The following RSU1 variants were observed in gnomAD, a reference collection of about 807,000 sequenced individuals.
The protein encoded by RSU1 is Ras suppressor protein 1.
RSU1 carries 26 observed loss-of-function variants against 31.1 expected under a neutral mutation model. That is an observed-to-expected ratio of 0.84 (90% confidence interval 0.61 to 1.16). The LOEUF (loss-of-function observed/expected upper bound fraction) is 1.16. RSU1 is among the 50% of genes most tolerant of loss of function. The pLI, the probability that RSU1 is intolerant of heterozygous loss-of-function variation, is 0.00. For missense variants in RSU1, 320 were observed against 339.1 expected, an observed-to-expected ratio of 0.94 and a Z score of 0.44; for synonymous variants, 164 against 136.3, an observed-to-expected ratio of 1.20 and a Z score of -1.41.
At chr10:16,683,247 C>A (rs539821667) in intron 8 of RSU1, among the ~76,000 whole-genome samples, 1 of 150,168 alleles carries the variant, frequency 6.7e-6, no homozygotes, top group Non-Finnish European at 1.5e-5. Context: ...ATAAACAGAA[C>A]GTGTCTCCCT....
At chr10:16,799,185 G>A (rs1197460392) in intron 2 of RSU1, among the ~76,000 whole-genome samples, 2 of 152,348 alleles carry the variant, frequency 1.3e-5, no homozygotes, top group East Asian at 3.9e-4. Flanking sequence ...AAAGCAGGGA[G>A]CCGTATTTCC....
chr10:16,595,753 G>T (rs1181966961), intron 8 of RSU1, among the ~76,000 whole-genome samples: 2 of 151,988 alleles, frequency 1.3e-5, no homozygotes, highest in African/African-American at 4.8e-5. Flanking sequence ...CAGATCACGA[G>T]GTCAAGAGAT....
intron 3 of RSU1, among the ~76,000 whole-genome samples, chr10:16,768,366 C>T (rs1837356829): frequency 6.6e-6 from 1 of 152,190 alleles, no homozygotes; most frequent in African/African-American, 2.4e-5. Context: ...AAATGGGGCT[C>T]TCAATTAGGA....
chr10:16,708,268 T>A (rs898783023), intron 7 of RSU1, among the ~76,000 whole-genome samples: 1 of 152,176 alleles, frequency 6.6e-6, no homozygotes, highest in Non-Finnish European at 1.5e-5. Flanking sequence ...ACAATAAAGC[T>A]AGAGAAAATG....
At chr10:16,635,095 G>C (rs968506486) in intron 8 of RSU1, among the ~76,000 whole-genome samples, 1 of 152,164 alleles carries the variant, frequency 6.6e-6, no homozygotes, top group African/African-American at 2.4e-5. Context: ...AGCTGTATTC[G>C]TAACAGCCTC....
intron 8 of RSU1, among the ~76,000 whole-genome samples, chr10:16,686,867 C>T (rs1389544514): frequency 6.6e-6 from 1 of 152,086 alleles, no homozygotes. Context: ...TTTTTTTCCC[C>T]TATGCCCCTC....
chr10:16,804,949 T>C (rs1394863406), intron 2 of RSU1, among the ~76,000 whole-genome samples: 2 of 152,170 alleles, frequency 1.3e-5, no homozygotes, highest in Non-Finnish European at 2.9e-5. Flanking sequence ...CTATACTATA[T>C]ACAGTGAACC....
chr10:16,705,835 G>T (rs1002651598), intron 7 of RSU1, among the ~76,000 whole-genome samples: 1 of 152,090 alleles, frequency 6.6e-6, no homozygotes, highest in Non-Finnish European at 1.5e-5. Flanking sequence ...TTTGAGAGAT[G>T]CTGTCTCTGT....
At chr10:16,800,387 C>A (rs1379755105) in intron 2 of RSU1, among the ~76,000 whole-genome samples, 1 of 152,070 alleles carries the variant, frequency 6.6e-6, no homozygotes, top group African/African-American at 2.4e-5. Context: ...GAGACAAAAT[C>A]CCTGAGAGAA....
chr10:16,709,714 T>C (rs199904441), intron 7 of RSU1, among the ~76,000 whole-genome samples: 3,848 of 152,312 alleles, frequency 0.025, 59 homozygotes, highest in East Asian at 0.064. Flanking sequence ...GGTATCTCAT[T>C]GTGGTTTTGA....
chr10:16,619,892 C>T (rs991953976), intron 8 of RSU1, among the ~76,000 whole-genome samples: 3 of 152,118 alleles, frequency 2.0e-5, no homozygotes, highest in South Asian at 2.1e-4. Flanking sequence ...CTTCTATTTT[C>T]GTATATTTCT....
intron 7 of RSU1, among the ~76,000 whole-genome samples, chr10:16,700,864 A>C (rs568833572): frequency 1.2e-4 from 19 of 152,368 alleles, no homozygotes; most frequent in African/African-American, 3.8e-4. Context: ...ATTTGTATGC[A>C]CTGACCTGGA....
At chr10:16,693,464 A>G (rs1362530061) in intron 8 of RSU1, among the ~76,000 whole-genome samples, 1 of 151,672 alleles carries the variant, frequency 6.6e-6, no homozygotes, top group East Asian at 1.9e-4. Context: ...AGTGTGGGAC[A>G]TATTTCTGAT....
chr10:16,788,017 ATTTC>A (rs763565489), intron 2 of RSU1, among the ~76,000 whole-genome samples: 68 of 152,252 alleles, frequency 4.5e-4, no homozygotes, highest in Middle Eastern at 3.4e-3. Context: ...ACACATTTTT[ATTTC>A]TTTGAGTTCA....
chr10:16,725,851 G>T (rs1376385814), intron 7 of RSU1, among the ~76,000 whole-genome samples: 1 of 143,276 alleles, frequency 7.0e-6, no homozygotes, highest in African/African-American at 2.6e-5. Flanking sequence ...CAGGAACAAA[G>T]GATATGTAAC....
chr10:16,731,336 A>G (rs1836507681), intron 7 of RSU1, among the ~76,000 whole-genome samples: 1 of 151,334 alleles, frequency 6.6e-6, no homozygotes, highest in African/African-American at 2.4e-5. Flanking sequence ...AGACTGAGGC[A>G]GGAGAATGGC....
chr10:16,702,573 C>G (rs1358411852), intron 7 of RSU1, among the ~76,000 whole-genome samples: 1 of 152,230 alleles, frequency 6.6e-6, no homozygotes, highest in Non-Finnish European at 1.5e-5. Context: ...GACTGCCGTG[C>G]TGGGTTTTGA....
At position 16,592,992 on chromosome 10, in the gene RSU1, C is replaced by A; in HGVS notation, c.*402G>T. 1.3e-5 allele frequency: 2 copies of A among 154,782 alleles called. No homozygotes were observed. The highest frequency in any genetic ancestry group is 2.9e-5 in the Non-Finnish European group (2 of 70,116). 9.6% of individuals were successfully genotyped at this position (154,782 alleles called of 1,614,324 possible). ...TGGTGAAGGAAGACTTTTAATAAAG[C>A]AAAATAATGAGTTAGGTGAATCAAC... is the stretch of plus-strand genomic sequence containing the variant. On this transcript the variant is annotated 3_prime_UTR_variant, in exon 9 of 9. Transcript: ENST00000345264.
At chr10:16,627,252 T>C (rs564643344) in intron 8 of RSU1, among the ~76,000 whole-genome samples, 2 of 152,326 alleles carry the variant, frequency 1.3e-5, no homozygotes, top group African/African-American at 4.8e-5. Context: ...AACTTATATA[T>C]TGAATGTACT....
Sources: allele counts gnomAD v4.1 joint callset (sites outside exome capture counted in the v4.1 genomes callset), GRCh38; gene constraint gnomAD v4.1.1; transcripts MANE v1.5; gene names NCBI Gene and HGNC (gene_info 2026-07-23, HGNC 2026-07-21).